Variants in DDB2 observed in about 807,000 individuals in gnomAD.
The protein encoded by DDB2 is damage specific DNA binding protein 2, also known as DNA damage-binding protein 2.
Under a neutral mutation model 50.5 loss-of-function variants are expected in DDB2, and 27 were observed. That is an observed-to-expected ratio of 0.53 (90% confidence interval 0.39 to 0.74). The LOEUF is 0.74. Ranked by LOEUF, DDB2 falls within the 30% of genes least tolerant of loss-of-function variation. The pLI, the probability that DDB2 is intolerant of heterozygous loss-of-function variation, is 0.00. For synonymous variants in DDB2, 176 were observed against 205.5 expected (o/e 0.86, Z 1.23); for missense variants, 424 against 545.6 (o/e 0.78, Z 2.22).
intron 3 of DDB2, among the ~76,000 whole-genome samples, chr11:47,228,138 C>CAAA (rs35908583): frequency 1.6e-4 from 9 of 57,440 alleles, no homozygotes; most frequent in African/African-American, 1.9e-4. Flanking sequence ...GGCTCTGTCT[C>CAAA]AAAAAAAAAA....
chr11:47,215,389 C>A, intron 1 of DDB2, 126 bp downstream of exon 1: 4 of 1,408,048 alleles, frequency 2.8e-6, no homozygotes, highest in East Asian at 2.3e-5. Context: ...TCCGGCTGTG[C>A]ATTCTACCTG....
chr11:47,233,690 CAA>C (rs1291434804), intron 4 of DDB2, among the ~76,000 whole-genome samples: 1 of 136,776 alleles, frequency 7.3e-6, no homozygotes, highest in Non-Finnish European at 1.5e-5. Flanking sequence ...TCCTGGGCAA[CAA>C]GAGCGAAAAT....
chr11:47,235,683 A>T, intron 7 of DDB2: 4 of 520,242 alleles, frequency 7.7e-6, no homozygotes, highest in Non-Finnish European at 1.4e-5. Flanking sequence ...ATTTTCTAAG[A>T]TCCTGACCCT....
chr11:47,215,354 G>A (rs937872778), intron 1 of DDB2, 91 bp downstream of exon 1: 31 of 1,599,876 alleles, frequency 1.9e-5, no homozygotes, highest in Non-Finnish European at 2.5e-5. Context: ...CGAGGCTCCC[G>A]AGGCCCGCGC....
Position 47,217,046 on chromosome 11 carries a change from AG to A in DDB2, c.456+1del. ...GIKDKPTFIK[G>X]IGAGGSITGL... Reference sequence around the variant, plus strand: ...TCAAGGACAAACCCACCTTCATCAAAGGGGTGAGCAGTTCCCCATGCCAGGT... The same window carrying A: ...TCAAGGACAAACCCACCTTCATCAAAGGGTGAGCAGTTCCCCATGCCAGGT... On this transcript the variant is annotated frameshift_variant and splice_region_variant, in exon 3 of 10. Transcript: ENST00000256996. LOFTEE classifies it high-confidence loss of function. 6.2e-7 allele frequency: 1 copy of A among 1,613,560 alleles called. No homozygotes were observed. The highest frequency in any genetic ancestry group is 8.5e-7 in the Non-Finnish European group (1 of 1,179,558).
chr11:47,231,184 C>G (rs1393522669), intron 3 of DDB2, among the ~76,000 whole-genome samples: 2 of 140,794 alleles, frequency 1.4e-5, no homozygotes, highest in African/African-American at 5.3e-5. Flanking sequence ...GCGCCTAGTA[C>G]ATAGTAAGCA....
At position 47,215,269 on chromosome 11, in the gene DDB2, G is replaced by A. The variant is rs1416625019; in HGVS notation, c.127+6G>A. 7 of 1,613,740 alleles carry A rather than the reference G, an allele frequency of 4.3e-6. No homozygotes were observed. In the African/African-American group the frequency reaches 5.3e-5, roughly 12 times the overall value. Reference sequence around the variant, plus strand: ...GCTCTGTGCGAAGGGCTCCGGTACTGCCTGTGCCTGCTGCTTGAATATTTC... The same window carrying A: ...GCTCTGTGCGAAGGGCTCCGGTACTACCTGTGCCTGCTGCTTGAATATTTC... On this transcript the variant is annotated splice_donor_region_variant and intron_variant, in intron 1 of 9. Transcript: ENST00000256996.
At chr11:47,214,605 AG>A, upstream of DDB2, 1 of 148,220 alleles carries the variant, frequency 6.7e-6, no homozygotes, top group Non-Finnish European at 1.6e-5. Flanking sequence ...AGAAAAAAAG[AG>A]AGAGAGAGAG....
chr11:47,238,974 G>GTGCT lies in DDB2; in HGVS notation c.*126_*129dup. On this transcript the variant is annotated 3_prime_UTR_variant, in exon 10 of 10. Transcript: ENST00000256996. ...ATCCAAGGTTAGGGTTGGAGCAGGG[G>GTGCT]TGCTGGGACCTGGGGCACTGTGGGA... 1 of 1,020,428 alleles carries GTGCT rather than the reference G, an allele frequency of 9.8e-7. No individual in the cohort carries two copies. Among genetic ancestry groups the GTGCT allele is most frequent in the East Asian group, 2.6e-5 (1 of 38,482 alleles). 63.2% of individuals were successfully genotyped at this position (1,020,428 alleles called of 1,614,324 possible). A position where few individuals can be genotyped will look rare whatever the true frequency, so the allele number is the denominator to read the frequency against.
chr11:47,226,293 TG>T (rs1225841969), intron 3 of DDB2, among the ~76,000 whole-genome samples: 3 of 151,190 alleles, frequency 2.0e-5, no homozygotes, highest in Non-Finnish European at 2.9e-5. Context: ...TTTTTTTTTT[TG>T]AGATGAAGTC....
intron 7 of DDB2, among the ~76,000 whole-genome samples, chr11:47,237,303 T>C (rs1198549242): frequency 1.3e-5 from 2 of 152,176 alleles, no homozygotes; most frequent in Non-Finnish European, 1.5e-5. Context: ...GAAGGTGCCC[T>C]AAGGGCCAGG....
At chr11:47,216,286 A>G (rs763720169) in intron 1 of DDB2, 50 bp from the exon 2 acceptor site, 17 of 1,613,970 alleles carry the variant, frequency 1.1e-5, no homozygotes, top group African/African-American at 4.0e-5. Context: ...ATTCAGCAGA[A>G]AAACCTTTCG....
At chr11:47,234,999 C>T in intron 6 of DDB2, 65 bp downstream of exon 6, 8 of 1,579,232 alleles carry the variant, frequency 5.1e-6, no homozygotes, top group Non-Finnish European at 6.1e-6. Flanking sequence ...TGGGGTTTTC[C>T]CTCAGTGTGG....
chr11:47,228,542 C>G (rs962510161), intron 3 of DDB2, among the ~76,000 whole-genome samples: 1 of 150,002 alleles, frequency 6.7e-6, no homozygotes, highest in African/African-American at 2.5e-5. Context: ...ACTCGGGAGG[C>G]TGAGGCAGGA....
At chr11:47,230,354 C>T (rs903747374) in intron 3 of DDB2, among the ~76,000 whole-genome samples, 1 of 152,108 alleles carries the variant, frequency 6.6e-6, no homozygotes, top group African/African-American at 2.4e-5. Flanking sequence ...CTGTGCCCAG[C>T]CAATAGCTAT....
Position 47,216,413 on chromosome 11 carries a change from A to G in DDB2, c.205A>G (p.Ile69Val), listed in dbSNP as rs1015435321. Residue 69 changes from isoleucine to valine, a missense_variant, in exon 2 of 10, where the codon ATC (isoleucine) becomes GTC (valine). By Grantham distance (29) the Ile-to-Val change is conservative (BLOSUM62 3). Coordinates refer to ENST00000256996, the MANE Select transcript of DDB2 (RefSeq NM_000107.3). ...ACAGATCCTGCCACCATGCCGCAGCATCGTCAGGACCCTCCACCAGCATAA... is the reference window on the plus strand; with the variant it reads ...ACAGATCCTGCCACCATGCCGCAGCGTCGTCAGGACCCTCCACCAGCATAA... ...GPQILPPCRS[I>V]VRTLHQHKLG... 1 of 1,614,110 alleles carries G rather than the reference A, an allele frequency of 6.2e-7. No homozygotes were observed. Among genetic ancestry groups the G allele is most frequent in the Non-Finnish European group, 8.5e-7 (1 of 1,180,038 alleles).
intron 3 of DDB2, among the ~76,000 whole-genome samples, chr11:47,226,968 AAAAT>A: frequency 1.3e-5 from 2 of 151,640 alleles, no homozygotes; most frequent in African/African-American, 4.8e-5. Context: ...AAGTTAAAAA[AAAAT>A]TTTTTTTTAT....
chr11:47,226,799 T>C (rs1953565210), intron 3 of DDB2, among the ~76,000 whole-genome samples: 1 of 146,460 alleles, frequency 6.8e-6, no homozygotes, highest in South Asian at 2.1e-4. Context: ...TGCAGTACAG[T>C]GGCACAATCA....
intron 4 of DDB2, 65 bp from the exon 5 acceptor site, chr11:47,234,508 G>A (rs1953694427): frequency 7.4e-6 from 10 of 1,346,066 alleles, no homozygotes; most frequent in Admixed American, 1.7e-5. Flanking sequence ...CACCGGAGCG[G>A]CAACAGTGAG....
Sources: gnomAD v4.1 joint callset for allele counts (sites outside exome capture counted in the v4.1 genomes callset) on GRCh38, gnomAD v4.1.1 for gene constraint, MANE v1.5 for transcripts, NCBI Gene and HGNC (gene_info 2026-07-23, HGNC 2026-07-21) for gene names.